DIAPH3: variants seen among roughly 807,000 people sequenced by gnomAD.
The protein encoded by DIAPH3 is diaphanous related formin 3.
Under a neutral mutation model 144.3 loss-of-function variants are expected in DIAPH3, and 117 were observed. The ratio of observed to expected loss-of-function variants is 0.81; its 90% CI spans 0.70 to 0.95. The LOEUF (loss-of-function observed/expected upper bound fraction) is 0.95, where lower values mean the gene tolerates loss of function less well. Ranked by LOEUF, DIAPH3 falls within the 40% of genes least tolerant of loss-of-function variation. The probability of loss-of-function intolerance (pLI) is 0.00; values close to 1 mark genes in which losing one functional copy is unlikely to be tolerated. For missense variants in DIAPH3, 1,421 were observed against 1,412.7 expected, an observed-to-expected ratio of 1.01 and a Z score of -0.09; for synonymous variants, 519 against 488.9, an observed-to-expected ratio of 1.06 and a Z score of -0.81.
At chr13:59,919,312 A>C (rs1566516648) in intron 18 of DIAPH3, among the ~76,000 whole-genome samples, 1 of 152,134 alleles carries the variant, frequency 6.6e-6, no homozygotes, top group Non-Finnish European at 1.5e-5. Flanking sequence ...CAGATACGGG[A>C]AGGTAAAAGG....
intron 27 of DIAPH3, among the ~76,000 whole-genome samples, chr13:59,710,651 C>T (rs2034684647): frequency 6.6e-6 from 1 of 152,224 alleles, no homozygotes; most frequent in Non-Finnish European, 1.5e-5. Flanking sequence ...GAAGATAATG[C>T]TGTGCTGGCT....
intron 2 of DIAPH3, among the ~76,000 whole-genome samples, chr13:60,112,492 G>A (rs2058595382): frequency 6.6e-6 from 1 of 152,130 alleles, no homozygotes; most frequent in Admixed American, 6.5e-5. Context: ...AGCAAATTAA[G>A]CAGTTTAGAA....
chr13:59,668,867 A>AC (rs56241544), intron 27 of DIAPH3, among the ~76,000 whole-genome samples: 2 of 150,954 alleles, frequency 1.3e-5, no homozygotes, highest in Non-Finnish European at 1.5e-5. Flanking sequence ...ACACACACAC[A>AC]AAACACATAC....
At chr13:60,133,175 G>C (rs1185537752) in intron 1 of DIAPH3, among the ~76,000 whole-genome samples, 186 bp from the exon 2 acceptor site, 1 of 151,966 alleles carries the variant, frequency 6.6e-6, no homozygotes, top group African/African-American at 2.4e-5. Context: ...AAGTTACCCT[G>C]CGTGTGATAG....
At chr13:60,081,225 A>G (rs535018533) in intron 4 of DIAPH3, among the ~76,000 whole-genome samples, 1 of 152,146 alleles carries the variant, frequency 6.6e-6, no homozygotes, top group African/African-American at 2.4e-5. Context: ...ATCCTGCATA[A>G]CTTTGAAACT....
At chr13:59,691,764 C>A (rs980530430) in intron 27 of DIAPH3, among the ~76,000 whole-genome samples, 1 of 152,078 alleles carries the variant, frequency 6.6e-6, no homozygotes, top group Non-Finnish European at 1.5e-5. Context: ...GTGTGAGAAA[C>A]TTTTTTATAT....
chr13:59,867,353 A>G (rs2043988504), intron 21 of DIAPH3, among the ~76,000 whole-genome samples: 1 of 151,712 alleles, frequency 6.6e-6, no homozygotes, highest in Non-Finnish European at 1.5e-5. Flanking sequence ...CCATAACCAC[A>G]ACCATTAATA....
At chr13:59,897,024 T>C (rs1292932544) in intron 20 of DIAPH3, among the ~76,000 whole-genome samples, 1 of 152,158 alleles carries the variant, frequency 6.6e-6, no homozygotes, top group Non-Finnish European at 1.5e-5. Context: ...GTATAGAAAG[T>C]CTGGAAGGTA....
At chr13:59,946,423 C>A (rs963633335) in intron 17 of DIAPH3, among the ~76,000 whole-genome samples, 1 of 152,072 alleles carries the variant, frequency 6.6e-6, no homozygotes, top group East Asian at 1.9e-4. Flanking sequence ...TACCTGATAC[C>A]ATTCTTTACA....
At chr13:60,008,792 A>T in intron 8 of DIAPH3, 143 bp from the exon 9 acceptor site, 1 of 677,328 alleles carries the variant, frequency 1.5e-6, no homozygotes, top group South Asian at 1.7e-5. Flanking sequence ...CCATGTATCA[A>T]GCACAGTTCT....
chr13:59,828,961 G>A (rs2041618954), intron 24 of DIAPH3, among the ~76,000 whole-genome samples: 1 of 151,910 alleles, frequency 6.6e-6, no homozygotes, highest in South Asian at 2.1e-4. Context: ...CTGTTCCTCA[G>A]AGAAGCTACA....
chr13:59,667,364 C>T (rs1166084969), intron 27 of DIAPH3, among the ~76,000 whole-genome samples: 3 of 152,220 alleles, frequency 2.0e-5, no homozygotes, highest in African/African-American at 7.2e-5. Flanking sequence ...ACTGCTGTAA[C>T]TTCAGGGCCT....
At chr13:59,691,727 A>G (rs2033535723) in intron 27 of DIAPH3, among the ~76,000 whole-genome samples, 1 of 152,164 alleles carries the variant, frequency 6.6e-6, no homozygotes, top group Non-Finnish European at 1.5e-5. Context: ...GGAGGAAAGA[A>G]TGTTTTAGCT....
chr13:59,921,344 AT>A (rs1192731075), intron 18 of DIAPH3, among the ~76,000 whole-genome samples: 1 of 151,390 alleles, frequency 6.6e-6, no homozygotes, highest in Non-Finnish European at 1.5e-5. Flanking sequence ...TCAAATGTTT[AT>A]TTAGACTAAG....
intron 27 of DIAPH3, among the ~76,000 whole-genome samples, chr13:59,699,202 T>C (rs772653213): frequency 5.9e-5 from 9 of 152,210 alleles, no homozygotes; most frequent in Non-Finnish European, 1.2e-4. Flanking sequence ...CTGAGGGTTG[T>C]GGTTGCTACT....
chr13:59,884,022 G>T (rs573723432), intron 20 of DIAPH3, among the ~76,000 whole-genome samples: 8 of 152,244 alleles, frequency 5.3e-5, no homozygotes, highest in African/African-American at 1.9e-4. Context: ...TGCATAGTAG[G>T]AGGTGAGCAG....
At chr13:59,716,614 A>T (rs1221542509) in intron 27 of DIAPH3, among the ~76,000 whole-genome samples, 1 of 151,964 alleles carries the variant, frequency 6.6e-6, no homozygotes, top group Non-Finnish European at 1.5e-5. Context: ...GTGCTTGGAA[A>T]CCCTTTTGAA....
chr13:59,915,986 G>A (rs932640755), intron 19 of DIAPH3, among the ~76,000 whole-genome samples, 169 bp downstream of exon 19: 1 of 152,126 alleles, frequency 6.6e-6, no homozygotes, highest in Non-Finnish European at 1.5e-5. Context: ...GTTAAGAGAA[G>A]ATGCAGCTTT....
intron 4 of DIAPH3, among the ~76,000 whole-genome samples, chr13:60,092,803 G>C (rs1403301468): frequency 1.3e-5 from 2 of 152,190 alleles, no homozygotes; most frequent in African/African-American, 2.4e-5. Context: ...TCAATGACTG[G>C]TCTAGCAGTT....
Sources: gnomAD v4.1 joint callset for allele counts (sites outside exome capture counted in the v4.1 genomes callset) on GRCh38, gnomAD v4.1.1 for gene constraint, MANE v1.5 for transcripts, NCBI Gene and HGNC (gene_info 2026-07-23, HGNC 2026-07-21) for gene names.